The following NASP variants were observed in gnomAD, a reference collection of about 807,000 sequenced individuals.
NASP encodes NASP histone chaperone.
Under a neutral mutation model 89.5 loss-of-function variants are expected in NASP, and 24 were observed. That is an observed-to-expected ratio of 0.27 (90% CI 0.19 to 0.38). The LOEUF (loss-of-function observed/expected upper bound fraction) is 0.38. NASP is among the 10% of genes least tolerant of loss of function. The probability of loss-of-function intolerance (pLI) is 1.00; values close to 1 mark genes in which losing one functional copy is unlikely to be tolerated. For synonymous variants in NASP, 306 were observed against 324.7 expected (o/e 0.94, Z 0.62); for missense variants, 848 against 921.4 (o/e 0.92, Z 1.03).
chr1:45,616,351 T>G lies in NASP; in HGVS notation c.2037T>G (p.Thr679=). The change falls in exon 12 of 15, where the codon ACT becomes ACG. Residue 679 remains threonine (T), a synonymous_variant. Transcript: ENST00000350030. ...ATTTCTCGCAGGTGGAGAGTTCTAC[T>G]TCAGGTTTCACTCCTGGTGGAGGAG... The part of the protein sequence containing the change: ...ALKATLVESS[T]SGFTPGGGGS... 6.2e-7 allele frequency: 1 copy of G among 1,614,212 alleles called. No individual in the cohort carries two copies. The highest frequency in any genetic ancestry group is 1.3e-5 in the African/African-American group (1 of 75,052).
Position 45,618,285 on chromosome 1 carries a change from T to C in NASP, c.*144T>C. 7.5e-6 allele frequency: 5 copies of C among 662,708 alleles called. No homozygotes were observed. The East Asian group carries it at 1.2e-4, about 16-fold the overall frequency. The allele number at this position is 662,708 out of a possible 1,614,324, so 41.1% of individuals were successfully genotyped here. A position where few individuals can be genotyped will look rare whatever the true frequency, so the allele number is the denominator to read the frequency against. On this transcript the variant is annotated 3_prime_UTR_variant, in exon 15 of 15. Coordinates refer to ENST00000350030, the MANE Select transcript of NASP (RefSeq NM_002482.4). ...GATGGTTTTTTTCTTAATTATTGGC[T>C]GAATCTGCCTTGGAGCACTGCTGGT...
At chr1:45,593,356 A>G (rs969059577) in intron 2 of NASP, among the ~76,000 whole-genome samples, 3 of 151,492 alleles carry the variant, frequency 2.0e-5, no homozygotes, top group Non-Finnish European at 4.4e-5. Context: ...AACATGGTGA[A>G]ACCCTCTCTC....
chr1:45,585,706 A>G lies in NASP; in HGVS notation c.59+1501A>G, dbSNP rs188851492. Among the ~76,000 whole-genome samples the G allele has an allele frequency of 6.6e-5, 10 of 152,266 alleles. No individual in the cohort carries two copies. In the East Asian group the frequency reaches 1.9e-3, roughly 29 times the overall value. ...CAGACAGGGTCTGGATCTCACATCC[A>G]GACTGGAGTGTAGTGTTGTGATCAT... On this transcript the variant is annotated intron_variant, in intron 1 of 14. Coordinates refer to ENST00000350030, the MANE Select transcript of NASP (RefSeq NM_002482.4).
chr1:45,608,197 T>C lies in NASP; in HGVS notation c.1286T>C (p.Val429Ala). 1 of 1,614,202 alleles carries C rather than the reference T, an allele frequency of 6.2e-7. No homozygotes were observed. The highest frequency in any genetic ancestry group is 8.5e-7 in the Non-Finnish European group (1 of 1,180,036). The change falls in exon 6 of 15, where the codon GTA (valine) becomes GCA (alanine). Residue 429 changes from valine to alanine, a missense_variant. Transcript: ENST00000350030. The part of the protein sequence containing the change: ...VPSQEETKLS[V>A]EESEAAGDGV... Reference sequence around the variant, plus strand: ...AGTCAGGAGGAGACTAAGCTGTCTGTAGAAGAGTCTGAGGCAGCTGGAGAT... The same window carrying C: ...AGTCAGGAGGAGACTAAGCTGTCTGCAGAAGAGTCTGAGGCAGCTGGAGAT...
chr1:45,586,292 TGTGTGTGTGTGTGTGTG>T (rs1332968989), intron 1 of NASP, among the ~76,000 whole-genome samples: 56 of 95,816 alleles, frequency 5.8e-4, no homozygotes, highest in African/African-American at 2.4e-3. Context: ...GTGGTGTGTG[TGTGTGTGTGTGTGTGTG>T]GTGTGTGTGT....
chr1:45,588,211 C>A (rs1176039731), intron 1 of NASP, among the ~76,000 whole-genome samples: 2 of 152,176 alleles, frequency 1.3e-5, no homozygotes, highest in Non-Finnish European at 2.9e-5. Flanking sequence ...TCAAGCAATT[C>A]TCCTGCCTCA....
chr1:45,616,475 C>T lies in NASP; in HGVS notation c.2079+82C>T, dbSNP rs1322060609. 7 of 1,531,078 alleles carry T rather than the reference C, an allele frequency of 4.6e-6. No homozygotes were observed. The African/African-American group carries it at 8.2e-5, about 18-fold the overall frequency. 94.8% of individuals were successfully genotyped at this position (1,531,078 alleles called of 1,614,324 possible). On this transcript the variant is annotated intron_variant, in intron 12 of 14. Coordinates refer to ENST00000350030, the MANE Select transcript of NASP (RefSeq NM_002482.4). ...CCTGTAATCCCAGCATTTTGGGAGG[C>T]CAAGGCAGGAAGATTGCCTGAGGCT...
At chr1:45,594,598 C>G in intron 2 of NASP, 1 of 393,838 alleles carries the variant, frequency 2.5e-6, no homozygotes, top group South Asian at 1.8e-5. Flanking sequence ...TTGACCTTCC[C>G]TGGGCTCAGG....
intron 1 of NASP, among the ~76,000 whole-genome samples, chr1:45,590,235 G>A (rs1368247387): frequency 1.3e-5 from 2 of 152,068 alleles, no homozygotes; most frequent in Non-Finnish European, 2.9e-5. Context: ...CTAGGCTTGT[G>A]CTAAGCAAGA....
chr1:45,585,780 G>A (rs565900288), intron 1 of NASP, among the ~76,000 whole-genome samples: 1 of 152,196 alleles, frequency 6.6e-6, no homozygotes, highest in South Asian at 2.1e-4. Flanking sequence ...TTCCCTAGTA[G>A]CTTGGGACTA....
At chr1:45,614,836 C>G in intron 9 of NASP, 177 bp from the exon 10 acceptor site, 1 of 602,626 alleles carries the variant, frequency 1.7e-6, no homozygotes, top group South Asian at 2.1e-5. Context: ...CACGCCCAGC[C>G]TCAGTAGGTT....
intron 2 of NASP, among the ~76,000 whole-genome samples, chr1:45,594,315 G>A (rs77059988): frequency 0.011 from 1,665 of 149,146 alleles, 15 homozygotes; most frequent in Non-Finnish European, 0.018. Context: ...GGTGACGAGC[G>A]AAACTCTCAA....
chr1:45,618,000 TA>T, intron 14 of NASP, 60 bp from the exon 15 acceptor site: 2 of 1,451,878 alleles, frequency 1.4e-6, no homozygotes, highest in African/African-American at 2.8e-5. Flanking sequence ...AGGCCTCAGT[TA>T]TATAAGACAG....
At chr1:45,589,528 TAATG>T (rs1432186669) in intron 1 of NASP, among the ~76,000 whole-genome samples, 1 of 152,210 alleles carries the variant, frequency 6.6e-6, no homozygotes, top group Non-Finnish European at 1.5e-5. Context: ...TAAAAATTCA[TAATG>T]AACGTCATAA....
chr1:45,587,687 T>TATATATATATATATAAAA lies in NASP; in HGVS notation c.59+3483_59+3484insTATATATATATATAAAAA, dbSNP rs66829841. Reference sequence around the variant, plus strand: ...ATATATATATATATATATATATATATAATTAATTTTTTGGAGAGAGAGTCT... The same window carrying TATATATATATATATAAAA: ...ATATATATATATATATATATATATATATATATATATATATAAAAAATTAATTTTTTGGAGAGAGAGTCT... On this transcript the variant is annotated intron_variant, in intron 1 of 14. Coordinates refer to ENST00000350030, the MANE Select transcript of NASP (RefSeq NM_002482.4). 1.4e-4 allele frequency among the ~76,000 whole-genome samples: 11 copies of TATATATATATATATAAAA among 78,200 alleles called. No homozygotes were observed. The South Asian group carries it at 1.6e-3, about 11-fold the overall frequency. 51.3% of individuals were successfully genotyped at this position (78,200 alleles called of 152,430 possible). A position where few individuals can be genotyped will look rare whatever the true frequency, so the allele number is the denominator to read the frequency against.
chr1:45,592,406 C>T (rs1414621076), intron 2 of NASP, among the ~76,000 whole-genome samples: 1 of 152,210 alleles, frequency 6.6e-6, no homozygotes, highest in African/African-American at 2.4e-5. Flanking sequence ...ATCTACCATG[C>T]CCAGCTGATT....
In NASP at chr1:45,593,684, C is replaced by T. The variant is rs80264673; in HGVS notation, c.107+2414C>T. Among the ~76,000 whole-genome samples the T allele has an allele frequency of 6.7e-4, 95 of 142,852 alleles. No individual in the cohort carries two copies. The East Asian group carries it at 0.015, about 22-fold the overall frequency. 93.7% of individuals were successfully genotyped at this position (142,852 alleles called of 152,430 possible). On this transcript the variant is annotated intron_variant, in intron 2 of 14. Coordinates refer to ENST00000350030, the MANE Select transcript of NASP (RefSeq NM_002482.4). The stretch of plus-strand genomic sequence containing the variant: ...TGTACTTTTTTTTTTTTCTCTTAAA[C>T]GGGAAAAGGGTTAAAATAAGTCTTA...
Position 45,618,363 on chromosome 1 carries a change from C to T in NASP, c.*222C>T. On this transcript the variant is annotated 3_prime_UTR_variant, in exon 15 of 15. Transcript: ENST00000350030. ...TGGCCTTCTGTACTGATCTGTGTTCCTGATCCTAATTCCTATCTGTCTAAC... is the reference window on the plus strand; with the variant it reads ...TGGCCTTCTGTACTGATCTGTGTTCTTGATCCTAATTCCTATCTGTCTAAC... The T allele has an allele frequency of 2.3e-6, 1 of 430,998 alleles. No homozygotes were observed. The highest frequency in any genetic ancestry group is 4.4e-6 in the Non-Finnish European group (1 of 229,088). The allele number at this position is 430,998 out of a possible 1,614,324, so 26.7% of individuals were successfully genotyped here. A position where few individuals can be genotyped will look rare whatever the true frequency, so the allele number is the denominator to read the frequency against.
chr1:45,614,134 A>G lies in NASP; in HGVS notation c.1545A>G (p.Leu515=), dbSNP rs775865577. The change falls in exon 8 of 15, where the codon CTA becomes CTG. Residue 515 remains leucine (L), a synonymous_variant. Transcript: ENST00000350030. ...QENEEEEIGN[L]ELAWDMLDLA... ...ATGAGGAGGAGGAGATTGGGAACCT[A>G]GAGCTTGCCTGGGATATGCTGGATT... 1.2e-6 allele frequency: 2 copies of G among 1,611,100 alleles called. No individual in the cohort carries two copies. Among genetic ancestry groups the G allele is most frequent in the South Asian group, 2.2e-5 (2 of 91,036 alleles).
Sources: gnomAD v4.1 joint callset for allele counts (sites outside exome capture counted in the v4.1 genomes callset) on GRCh38, gnomAD v4.1.1 for gene constraint, MANE v1.5 for transcripts, NCBI Gene and HGNC (gene_info 2026-07-23, HGNC 2026-07-21) for gene names.